The following PDGFRL variants were observed in gnomAD, a reference collection of about 807,000 sequenced individuals.
The protein encoded by PDGFRL is platelet derived growth factor receptor like.
PDGFRL carries 46 observed loss-of-function variants against 37.2 expected under a neutral mutation model. The observed-to-expected ratio is 1.24, with a 90% CI of 0.98 to 1.58. The LOEUF (loss-of-function observed/expected upper bound fraction) is 1.58, where lower values mean the gene tolerates loss of function less well. Ranked by LOEUF, PDGFRL falls within the 40% of genes most tolerant of loss-of-function variation. The probability of loss-of-function intolerance (pLI) is 0.00; values close to 1 mark genes in which losing one functional copy is unlikely to be tolerated. For missense variants in PDGFRL, 692 were observed against 467.6 expected (o/e 1.48, Z -4.43); for synonymous variants, 251 against 184.3 (o/e 1.36, Z -2.93).
chr8:17,625,262 C>A (rs1251956967), intron 3 of PDGFRL, among the ~76,000 whole-genome samples: 1 of 151,966 alleles, frequency 6.6e-6, no homozygotes. Context: ...AGCGATTCTC[C>A]TGCCTCAGCC....
At position 17,634,212 on chromosome 8, in the gene PDGFRL, AG is replaced by A; in HGVS notation, c.939+1del. 2 of 1,610,444 alleles carry A rather than the reference AG, an allele frequency of 1.2e-6. No homozygotes were observed. Among genetic ancestry groups the A allele is most frequent in the Non-Finnish European group, 1.7e-6 (2 of 1,177,616 alleles). On this transcript the variant is annotated frameshift_variant and splice_region_variant, in exon 5 of 6. Transcript: ENST00000251630. LOFTEE classifies it high-confidence loss of function. ...TTCACCTGGATCTTCCCAGGGCAGA[AG>A]GTAAGTGTTGTACCTGCATCTCAGC... ...VEFTWIFPGQKDERPVTIQDT... is the reference protein window; with the variant it reads ...VEFTWIFPGQXDERPVTIQDT...
intron 3 of PDGFRL, among the ~76,000 whole-genome samples, chr8:17,626,312 C>G (rs901749869): frequency 6.6e-6 from 1 of 152,216 alleles, no homozygotes; most frequent in African/African-American, 2.4e-5. Flanking sequence ...TACCCCTTAC[C>G]TAAGCCTGAA....
chr8:17,641,001 C>T lies in PDGFRL; in HGVS notation c.940-1612C>T, dbSNP rs143279901. On this transcript the variant is annotated intron_variant, in intron 5 of 5. Coordinates refer to ENST00000251630, the MANE Select transcript of PDGFRL (RefSeq NM_001372073.1). ...TTCTCAGGCCAATGGGGTTATGTTC[C>T]TCAGGGGATTATGGCTGCTCTGCTG... 4.1e-3 allele frequency among the ~76,000 whole-genome samples: 625 copies of T among 152,130 alleles called. 1 individual carries two copies. The highest frequency in any genetic ancestry group is 0.014 in the African/African-American group (598 of 41,486).
chr8:17,615,632 G>A (rs543130706), intron 2 of PDGFRL, among the ~76,000 whole-genome samples: 4 of 152,252 alleles, frequency 2.6e-5, no homozygotes, highest in South Asian at 2.1e-4. Flanking sequence ...AAAGTGTTTC[G>A]AGTCTGGGTG....
intron 2 of PDGFRL, among the ~76,000 whole-genome samples, chr8:17,593,900 AG>A (rs1304609908): frequency 1.4e-5 from 2 of 146,992 alleles, no homozygotes; most frequent in Admixed American, 6.7e-5. Context: ...AAAAAAAAAA[AG>A]AAAAAAAAAG....
rs933274218 is a variant in PDGFRL, at chr8:17,603,363, C to T, written c.353+13598C>T. Reference sequence around the variant, plus strand: ...CACACAGGGACAAATTTATTCATGCCCCTGTCCCCTGCTGGGTCTTTCAGG... The same window carrying T: ...CACACAGGGACAAATTTATTCATGCTCCTGTCCCCTGCTGGGTCTTTCAGG... On this transcript the variant is annotated intron_variant, in intron 2 of 5. Coordinates refer to ENST00000251630, the MANE Select transcript of PDGFRL (RefSeq NM_001372073.1). Among the ~76,000 whole-genome samples, 5 of 152,130 alleles carry T rather than the reference C, an allele frequency of 3.3e-5. No individual in the cohort carries two copies. In the South Asian group the frequency reaches 6.2e-4, roughly 19 times the overall value.
At chr8:17,579,043 T>A (rs866927827) in intron 1 of PDGFRL, among the ~76,000 whole-genome samples, 2 of 151,876 alleles carry the variant, frequency 1.3e-5, no homozygotes, top group South Asian at 2.1e-4. Flanking sequence ...ACTAAAAATA[T>A]AAAAATTAGC....
At chr8:17,596,107 T>TTACCCTTGCTGGGTACCCTTGCTGGG (rs3837209) in intron 2 of PDGFRL, among the ~76,000 whole-genome samples, 29 of 151,766 alleles carry the variant, frequency 1.9e-4, no homozygotes, top group African/African-American at 5.8e-4. Flanking sequence ...AGCCCCAGAG[T>TTACCCTTGCTGGGTACCCTTGCTGGG]TACCCTTGCT....
At chr8:17,581,049 A>C (rs566060134) in intron 1 of PDGFRL, among the ~76,000 whole-genome samples, 3 of 152,092 alleles carry the variant, frequency 2.0e-5, no homozygotes, top group Non-Finnish European at 4.4e-5. Context: ...TTACATTTGC[A>C]AAGACTCCAT....
intron 4 of PDGFRL, among the ~76,000 whole-genome samples, chr8:17,630,039 C>T (rs555574519): frequency 6.6e-6 from 1 of 152,296 alleles, no homozygotes; most frequent in South Asian, 2.1e-4. Context: ...AACTAACCTT[C>T]TCCCCATGCC....
intron 1 of PDGFRL, among the ~76,000 whole-genome samples, chr8:17,584,717 CTT>C (rs58165312): frequency 2.4e-3 from 351 of 144,996 alleles, no homozygotes; most frequent in East Asian, 2.4e-3. Context: ...TCAGAAACTG[CTT>C]TTTTTTTTTT....
chr8:17,624,348 A>G (rs1804692052), intron 3 of PDGFRL, among the ~76,000 whole-genome samples: 1 of 152,218 alleles, frequency 6.6e-6, no homozygotes, highest in African/African-American at 2.4e-5. Flanking sequence ...GTGATTAAAT[A>G]ATTGCCGTAT....
intron 1 of PDGFRL, among the ~76,000 whole-genome samples, chr8:17,580,332 AAAG>A (rs1205095490): frequency 2.0e-5 from 3 of 152,200 alleles, no homozygotes; most frequent in African/African-American, 7.2e-5. Context: ...TGAGAAAAAA[AAAG>A]AGTAAAAATT....
At chr8:17,637,167 A>G (rs1804988393) in intron 5 of PDGFRL, among the ~76,000 whole-genome samples, 1 of 152,184 alleles carries the variant, frequency 6.6e-6, no homozygotes, top group East Asian at 1.9e-4. Flanking sequence ...GCAAGTGGGC[A>G]TCCTTGTCTT....
At chr8:17,596,677 A>G (rs577487599) in intron 2 of PDGFRL, among the ~76,000 whole-genome samples, 46 of 152,370 alleles carry the variant, frequency 3.0e-4, no homozygotes, top group South Asian at 1.2e-3. Context: ...TGACTCTTTG[A>G]ATAGTGTTCA....
chr8:17,632,220 C>T (rs1804876463), intron 4 of PDGFRL, among the ~76,000 whole-genome samples: 1 of 152,212 alleles, frequency 6.6e-6, no homozygotes, highest in African/African-American at 2.4e-5. Context: ...CTGTTTCTCT[C>T]CATCCTCACT....
chr8:17,626,401 G>C (rs538023794), intron 3 of PDGFRL, among the ~76,000 whole-genome samples: 2 of 152,270 alleles, frequency 1.3e-5, no homozygotes, highest in East Asian at 3.9e-4. Context: ...TCTGAGCCAT[G>C]ATATACTCTT....
At chr8:17,638,600 T>G (rs1158771056) in intron 5 of PDGFRL, among the ~76,000 whole-genome samples, 1 of 151,460 alleles carries the variant, frequency 6.6e-6, no homozygotes, top group African/African-American at 2.4e-5. Flanking sequence ...GTTTCTTTGT[T>G]GATGTTCTGT....
At chr8:17,634,329 A>C (rs1804925776) in intron 5 of PDGFRL, 116 bp downstream of exon 5, 1 of 772,092 alleles carries the variant, frequency 1.3e-6, no homozygotes, top group African/African-American at 1.8e-5. Context: ...TCAGAAGTGC[A>C]AGAAACATGT....
Sources: gnomAD v4.1 joint callset for allele counts (sites outside exome capture counted in the v4.1 genomes callset) on GRCh38, gnomAD v4.1.1 for gene constraint, MANE v1.5 for transcripts, NCBI Gene and HGNC (gene_info 2026-07-23, HGNC 2026-07-21) for gene names.